The following OR2L13 variants were observed in gnomAD, a reference collection of about 807,000 sequenced individuals.
OR2L13 encodes olfactory receptor family 2 subfamily L member 13.
Under a neutral mutation model 15.3 loss-of-function variants are expected in OR2L13, and 14 were observed. That is an observed-to-expected ratio of 0.91 (90% CI 0.60 to 1.43). The LOEUF (loss-of-function observed/expected upper bound fraction) is 1.43, where lower values mean the gene tolerates loss of function less well. Ranked by LOEUF, OR2L13 falls within the 40% of genes most tolerant of loss-of-function variation. The pLI, the probability that OR2L13 is intolerant of heterozygous loss-of-function variation, is 0.00. For synonymous variants in OR2L13, 152 were observed against 142.9 expected (o/e 1.06, Z -0.45); for missense variants, 367 against 387.9 (o/e 0.95, Z 0.45).
the OR2L13 span, among the ~76,000 whole-genome samples, chr1:247,986,191 A>G: frequency 2.0e-5 from 3 of 151,892 alleles, no homozygotes; most frequent in Admixed American, 2.0e-4. Context: ...GCCAATGCCT[A>G]TGTGTCCTGA....
chr1:247,948,702 A>G, the OR2L13 span, among the ~76,000 whole-genome samples: 2 of 152,218 alleles, frequency 1.3e-5, no homozygotes, highest in Admixed American at 1.3e-4. Flanking sequence ...AGAAGTATGT[A>G]TAGACAAAAA....
chr1:247,964,127 G>A, the OR2L13 span, among the ~76,000 whole-genome samples: 1 of 152,188 alleles, frequency 6.6e-6, no homozygotes, highest in Non-Finnish European at 1.5e-5. Context: ...TGTGTAAACA[G>A]TGTACATTAA....
the OR2L13 span, among the ~76,000 whole-genome samples, chr1:248,065,532 C>A: frequency 6.6e-6 from 1 of 151,240 alleles, no homozygotes; most frequent in African/African-American, 2.4e-5. Flanking sequence ...GCGCTGCACC[C>A]ACTAACTCGT....
At chr1:248,083,760 A>T in the OR2L13 span, 13 of 1,614,044 alleles carry the variant, frequency 8.1e-6, no homozygotes, top group Non-Finnish European at 1.0e-5. Flanking sequence ...TAAAGGGGTG[A>T]ACATACTATA....
At chr1:248,077,854 TAAAC>T in the OR2L13 span, among the ~76,000 whole-genome samples, 1 of 152,038 alleles carries the variant, frequency 6.6e-6, no homozygotes, top group African/African-American at 2.4e-5. Context: ...GCAAAAGAGT[TAAAC>T]AGACAACTCA....
the OR2L13 span, chr1:248,039,502 C>T: frequency 4.9e-6 from 1 of 204,856 alleles, no homozygotes; most frequent in Non-Finnish European, 1.0e-5. Context: ...CTCCCCATAA[C>T]CTCTGCCTCC....
At chr1:248,041,714 C>T in the OR2L13 span, 1 of 152,248 alleles carries the variant, frequency 6.6e-6, no homozygotes, top group East Asian at 1.9e-4. Context: ...TGAACAGACA[C>T]TTCTCAAAAG....
chr1:248,080,997 C>T, the OR2L13 span, among the ~76,000 whole-genome samples: 8 of 152,254 alleles, frequency 5.3e-5, no homozygotes, highest in African/African-American at 1.7e-4. Context: ...CTATCAGGTA[C>T]TCCTTCTTTA....
At chr1:248,080,911 T>A in the OR2L13 span, among the ~76,000 whole-genome samples, 1 of 152,220 alleles carries the variant, frequency 6.6e-6, no homozygotes, top group African/African-American at 2.4e-5. Flanking sequence ...TTCTGGGTGC[T>A]AGAACTTCGT....
chr1:248,094,402 G>A (rs185891833), upstream of OR2L13, among the ~76,000 whole-genome samples: 17 of 152,284 alleles, frequency 1.1e-4, no homozygotes, highest in East Asian at 3.3e-3. Flanking sequence ...TGCTACAGTT[G>A]ATTGAGCCCT....
the OR2L13 span, among the ~76,000 whole-genome samples, chr1:247,962,437 GA>G: frequency 0.83 from 126,773 of 151,884 alleles, 56,619 homozygotes; most frequent in Non-Finnish European, 0.98. Context: ...CTGGCTGTGT[GA>G]CACTGATTTA....
At chr1:247,938,046 C>G in the OR2L13 span, among the ~76,000 whole-genome samples, 2 of 152,010 alleles carry the variant, frequency 1.3e-5, no homozygotes, top group African/African-American at 4.8e-5. Context: ...TATTAAGGAC[C>G]TTAAATAAAC....
chr1:248,072,451 C>T, the OR2L13 span, among the ~76,000 whole-genome samples: 1 of 152,148 alleles, frequency 6.6e-6, no homozygotes, highest in Non-Finnish European at 1.5e-5. Flanking sequence ...TGGATCCCTT[C>T]CTTACACCTT....
the OR2L13 span, among the ~76,000 whole-genome samples, chr1:248,016,415 A>C: frequency 6.6e-6 from 1 of 152,240 alleles, no homozygotes; most frequent in South Asian, 2.1e-4. Context: ...TTCTTTGAAA[A>C]TATGTATGAT....
chr1:247,982,386 A>G, the OR2L13 span, among the ~76,000 whole-genome samples: 5,876 of 152,214 alleles, frequency 0.039, 347 homozygotes, highest in African/African-American at 0.13. Flanking sequence ...TTTGTCTTCT[A>G]TGAATATATG....
At chr1:248,003,903 A>G in the OR2L13 span, 2 of 1,612,726 alleles carry the variant, frequency 1.2e-6, no homozygotes, top group Non-Finnish European at 1.7e-6. Context: ...GTCTACACCT[A>G]TCTACGTCCA....
the OR2L13 span, chr1:247,939,118 T>TA: frequency 6.6e-6 from 1 of 152,228 alleles, no homozygotes; most frequent in Admixed American, 6.5e-5. Flanking sequence ...GCCACTAGTC[T>TA]CTATAGTGCC....
the OR2L13 span, among the ~76,000 whole-genome samples, chr1:248,032,867 T>G: frequency 6.6e-6 from 1 of 152,192 alleles, no homozygotes; most frequent in Non-Finnish European, 1.5e-5. Context: ...CATTCAGAAG[T>G]GAAATAGTTG....
chr1:247,986,414 A>G, the OR2L13 span, among the ~76,000 whole-genome samples: 1 of 152,118 alleles, frequency 6.6e-6, no homozygotes, highest in South Asian at 2.1e-4. Context: ...CAAAGATCAG[A>G]TGGTTGTAGA....
Sources: gnomAD v4.1 joint callset for allele counts (sites outside exome capture counted in the v4.1 genomes callset) on GRCh38, gnomAD v4.1.1 for gene constraint, MANE v1.5 for transcripts, NCBI Gene and HGNC (gene_info 2026-07-23, HGNC 2026-07-21) for gene names.